ADAMTSL1: variants seen among roughly 807,000 people sequenced by gnomAD.
ADAMTSL1 encodes the protein ADAMTS-like protein 1.
A neutral mutation model predicts 201.8 loss-of-function variants in ADAMTSL1; 126 were observed. That is an observed-to-expected ratio of 0.62 (90% CI 0.54 to 0.72). ADAMTSL1 has a LOEUF of 0.72. Among genes scored for constraint, ADAMTSL1 ranks in the 30% least tolerant of loss-of-function variants. The pLI is 0.00. For missense variants in ADAMTSL1, 2,679 were observed against 2,277.8 expected (o/e 1.18, Z -3.59); for synonymous variants, 1,121 against 903.4 (o/e 1.24, Z -4.32).
At chr9:18,297,250 A>T (rs1392954342) in intron 2 of ADAMTSL1, among the ~76,000 whole-genome samples, 1 of 152,174 alleles carries the variant, frequency 6.6e-6, no homozygotes, top group Non-Finnish European at 1.5e-5. Flanking sequence ...TAAAGTGTAT[A>T]GATAGTGACT....
chr9:18,896,235 T>C (rs1308512069), intron 26 of ADAMTSL1, among the ~76,000 whole-genome samples: 2 of 151,982 alleles, frequency 1.3e-5, no homozygotes, highest in Non-Finnish European at 2.9e-5. Context: ...CTAAACAAAC[T>C]CTAAGTTGAA....
intron 2 of ADAMTSL1, among the ~76,000 whole-genome samples, chr9:18,319,174 C>G (rs375128420): frequency 1.3e-5 from 2 of 152,014 alleles, no homozygotes; most frequent in Non-Finnish European, 2.9e-5. Context: ...AGGTGCCAGC[C>G]TGGGCAATAG....
intron 1 of ADAMTSL1, among the ~76,000 whole-genome samples, chr9:18,486,505 A>G (rs904772316): frequency 6.6e-6 from 1 of 152,156 alleles, no homozygotes; most frequent in African/African-American, 2.4e-5. Flanking sequence ...GGAGTTCAAG[A>G]CCAACCTGGG....
chr9:18,776,864 C>A lies in ADAMTSL1; in HGVS notation c.2635C>A (p.Leu879Met). Residue 879 changes from leucine to methionine, a missense_variant, in exon 19 of 29, where the codon CTG becomes ATG. By Grantham distance (15) the Leu-to-Met change is conservative. Coordinates refer to ENST00000380548, the MANE Select transcript of ADAMTSL1 (RefSeq NM_001040272.6). Reference sequence around the variant, plus strand: ...CATACAGACTCGCAGGCAGAGGAAGCTGCACTTCGTGGTGGGGGGCTTCGC... The same window carrying A: ...CATACAGACTCGCAGGCAGAGGAAGATGCACTTCGTGGTGGGGGGCTTCGC... ...VYIQTRRQRKLHFVVGGFAYL... is the reference protein window; with the variant it reads ...VYIQTRRQRKMHFVVGGFAYL... The A allele has an allele frequency of 1.9e-6, 3 of 1,610,010 alleles. No individual in the cohort carries two copies. The highest frequency in any genetic ancestry group is 2.5e-6 in the Non-Finnish European group (3 of 1,178,640).
intron 2 of ADAMTSL1, among the ~76,000 whole-genome samples, chr9:18,224,959 C>T (rs889784763): frequency 2.6e-5 from 4 of 152,052 alleles, no homozygotes; most frequent in African/African-American, 9.7e-5. Context: ...ACCTCATTAT[C>T]AGCATCTTCA....
chr9:18,528,266 T>C (rs1819220131), intron 2 of ADAMTSL1, among the ~76,000 whole-genome samples: 1 of 152,086 alleles, frequency 6.6e-6, no homozygotes, highest in Non-Finnish European at 1.5e-5. Flanking sequence ...ACGTGTGCCA[T>C]GGTAGTTTGC....
At chr9:18,445,989 G>A (rs1160363591) in intron 2 of ADAMTSL1, among the ~76,000 whole-genome samples, 1 of 152,002 alleles carries the variant, frequency 6.6e-6, no homozygotes, top group African/African-American at 2.4e-5. Flanking sequence ...ATAAACTGTG[G>A]TTCATGAAGA....
intron 2 of ADAMTSL1, among the ~76,000 whole-genome samples, chr9:18,530,546 G>A (rs902154268): frequency 6.6e-5 from 10 of 152,002 alleles, no homozygotes; most frequent in African/African-American, 2.4e-4. Context: ...TAAATCCCCC[G>A]AAAACCAGAA....
At chr9:18,666,912 C>T (rs953914561) in intron 9 of ADAMTSL1, among the ~76,000 whole-genome samples, 1 of 150,150 alleles carries the variant, frequency 6.7e-6, no homozygotes, top group East Asian at 2.0e-4. Flanking sequence ...GCAAGTTACA[C>T]TTTGTGAGAC....
intron 3 of ADAMTSL1, among the ~76,000 whole-genome samples, chr9:18,538,317 T>C (rs957011835): frequency 6.6e-6 from 1 of 152,116 alleles, no homozygotes; most frequent in Non-Finnish European, 1.5e-5. Flanking sequence ...AGCATTGTTG[T>C]GTGAAACAGG....
intron 4 of ADAMTSL1, among the ~76,000 whole-genome samples, chr9:18,603,946 TTTC>T (rs1406731076): frequency 3.3e-5 from 5 of 152,208 alleles, no homozygotes; most frequent in Non-Finnish European, 7.3e-5. Flanking sequence ...CAATCTTTAC[TTTC>T]TGCAGAAAGG....
intron 4 of ADAMTSL1, among the ~76,000 whole-genome samples, chr9:18,619,572 C>G (rs1055986219): frequency 2.6e-5 from 4 of 152,152 alleles, no homozygotes; most frequent in African/African-American, 9.7e-5. Flanking sequence ...AGTATGTCAC[C>G]TCCTATTTAG....
intron 20 of ADAMTSL1, among the ~76,000 whole-genome samples, chr9:18,804,819 A>G (rs1008366864): frequency 2.0e-5 from 3 of 152,230 alleles, no homozygotes; most frequent in Admixed American, 1.3e-4. Context: ...GTATAAGCAG[A>G]GTCTAGCATT....
upstream of ADAMTSL1, among the ~76,000 whole-genome samples, chr9:18,469,814 T>G (rs1412402990): frequency 6.6e-6 from 1 of 152,192 alleles, no homozygotes; most frequent in Non-Finnish European, 1.5e-5. Flanking sequence ...CTTCCGAATT[T>G]TTGTAGTACT....
chr9:18,434,370 T>C (rs1262992722), intron 2 of ADAMTSL1, among the ~76,000 whole-genome samples: 2 of 152,100 alleles, frequency 1.3e-5, no homozygotes, highest in Non-Finnish European at 2.9e-5. Context: ...AAAATTAAAA[T>C]TCAATTTTGG....
chr9:18,438,991 G>GT (rs68149030), intron 2 of ADAMTSL1, among the ~76,000 whole-genome samples: 16,220 of 146,248 alleles, frequency 0.11, 934 homozygotes, highest in Non-Finnish European at 0.13. Flanking sequence ...TTGTTGACAG[G>GT]TTTTTTTTTT....
chr9:18,696,972 C>T (rs542209809), intron 13 of ADAMTSL1, among the ~76,000 whole-genome samples: 239 of 151,312 alleles, frequency 1.6e-3, no homozygotes, highest in African/African-American at 5.2e-3. Context: ...CTCCACCTCC[C>T]GGGTTCAAGT....
chr9:18,253,420 TAACTA>T (rs1254047848), intron 2 of ADAMTSL1, among the ~76,000 whole-genome samples: 1 of 152,256 alleles, frequency 6.6e-6, no homozygotes, highest in Non-Finnish European at 1.5e-5. Context: ...AAAATAATTC[TAACTA>T]GTTGTCTAAT....
At chr9:18,627,905 G>A (rs1317843931) in intron 5 of ADAMTSL1, among the ~76,000 whole-genome samples, 1 of 152,158 alleles carries the variant, frequency 6.6e-6, no homozygotes, top group Non-Finnish European at 1.5e-5. Flanking sequence ...TTTGCATAGT[G>A]TCAGTTCAAG....
Sources: gnomAD v4.1 joint callset for allele counts (sites outside exome capture counted in the v4.1 genomes callset) on GRCh38, gnomAD v4.1.1 for gene constraint, MANE v1.5 for transcripts, NCBI Gene and HGNC (gene_info 2026-07-23, HGNC 2026-07-21) for gene names.